DCLK3: variants seen among roughly 807,000 people sequenced by gnomAD.
The protein encoded by DCLK3 is serine/threonine-protein kinase DCLK3.
Under a neutral mutation model 46.4 loss-of-function variants are expected in DCLK3, and 30 were observed. The observed-to-expected ratio is 0.65, with a 90% CI of 0.48 to 0.88. The LOEUF (loss-of-function observed/expected upper bound fraction) is 0.88, where lower values mean the gene tolerates loss of function less well. DCLK3 is among the 40% of genes least tolerant of loss of function. The pLI is 0.00. For synonymous variants in DCLK3, 401 were observed against 339.2 expected (o/e 1.18, Z -2.00); for missense variants, 846 against 907.1 (o/e 0.93, Z 0.87).
chr3:36,737,426 GGT>G lies in DCLK3; in HGVS notation c.1739_1740del (p.His580ProfsTer8). 6.2e-7 allele frequency: 1 copy of G among 1,614,126 alleles called. No homozygotes were observed. Among genetic ancestry groups the G allele is most frequent in the Non-Finnish European group, 8.5e-7 (1 of 1,180,018 alleles). ...ACTTCATGCAATTTCACGATGTTGG[GGT>G]GAGAGAGGCTCTGGATGATCAAGAT... ...SEILIIQSLS[H>X]PNIVKLHEVY... On this transcript the variant is annotated frameshift_variant, in exon 2 of 5. Coordinates refer to ENST00000636136, the MANE Select transcript of DCLK3 (RefSeq NM_001394672.2). LOFTEE classifies it high-confidence loss of function. This position sits in a 1 kb window ranked among gnomAD's most constrained non-coding sequence, Gnocchi z 4.4.
intron 1 of DCLK3, among the ~76,000 whole-genome samples, chr3:36,744,281 C>A (rs1701375395): frequency 6.6e-6 from 1 of 152,214 alleles, no homozygotes; most frequent in South Asian, 2.1e-4. Context: ...TTGCTAATTG[C>A]AGCTCCAGCA....
At chr3:36,739,978 T>G (rs1701327103) in intron 1 of DCLK3, 1 of 151,966 alleles carries the variant, frequency 6.6e-6, no homozygotes. Context: ...GCCAAGAACA[T>G]TTTTTTTCAG....
chr3:36,738,330 C>T lies in DCLK3; in HGVS notation c.837G>A (p.Arg279=). The change falls in exon 2 of 5, where the codon AGG becomes AGA. Residue 279 remains arginine (R), a synonymous_variant. Coordinates refer to ENST00000636136, the MANE Select transcript of DCLK3 (RefSeq NM_001394672.2). ...CGTGCCTCTCTTCCAGAGTGGCTTC[C>T]CTGGGGGGCTTGCTACTGGGTTCTG... ...WEPEPSSKPP[R]EATLEERHAR... 6.6e-7 allele frequency: 1 copy of T among 1,507,810 alleles called. No individual in the cohort carries two copies. Among genetic ancestry groups the T allele is most frequent in the Non-Finnish European group, 8.8e-7 (1 of 1,131,370 alleles). 93.4% of individuals were successfully genotyped at this position (1,507,810 alleles called of 1,614,324 possible).
intron 1 of DCLK3, among the ~76,000 whole-genome samples, chr3:36,748,583 A>G (rs1399526433): frequency 6.6e-6 from 1 of 152,148 alleles, no homozygotes; most frequent in African/African-American, 2.4e-5. Flanking sequence ...GCCACAGTGC[A>G]CATGAGCACA....
chr3:36,726,731 T>C (rs1701129425), intron 2 of DCLK3, among the ~76,000 whole-genome samples: 1 of 152,148 alleles, frequency 6.6e-6, no homozygotes, highest in Non-Finnish European at 1.5e-5. Flanking sequence ...TCTCCATAAT[T>C]AACCTCACCA....
intron 1 of DCLK3, among the ~76,000 whole-genome samples, chr3:36,743,083 A>G (rs993919864): frequency 6.6e-6 from 1 of 152,184 alleles, no homozygotes; most frequent in African/African-American, 2.4e-5. Context: ...AACAAATTTC[A>G]TGTGGCTCAC....
chr3:36,746,945 C>T (rs1457055710), intron 1 of DCLK3, among the ~76,000 whole-genome samples: 2 of 152,134 alleles, frequency 1.3e-5, no homozygotes, highest in African/African-American at 4.8e-5. Flanking sequence ...GCTGTTGGGC[C>T]CTGGATGCAC....
rs946165456 is a variant in DCLK3 at position 36,764,382 on chromosome 3, C to T, written c.-119G>A. On this transcript the variant is annotated 5_prime_UTR_variant, in exon 1 of 5. Transcript: ENST00000636136. This position sits in a 1 kb window ranked among gnomAD's most constrained non-coding sequence, Gnocchi z 4.9. ...ACGAGCAGCCACGAGCCCGCGCCGA[C>T]TCTCCCTCTTCTCTCCCTCCCGCCG... is the stretch of plus-strand genomic sequence containing the variant. The T allele has an allele frequency of 4.5e-5, 8 of 177,118 alleles. No homozygotes were observed. Among genetic ancestry groups the T allele is most frequent in the Non-Finnish European group, 8.2e-5 (7 of 85,010 alleles). The allele number at this position is 177,118 out of a possible 1,614,324, so 11.0% of individuals were successfully genotyped here.
At chr3:36,721,987 C>T (rs1312607933) in intron 2 of DCLK3, among the ~76,000 whole-genome samples, 2 of 152,208 alleles carry the variant, frequency 1.3e-5, no homozygotes, top group African/African-American at 4.8e-5. Context: ...TCAAAAGCCA[C>T]TTGTGGCTTG....
At chr3:36,732,249 T>C (rs1701207926) in intron 2 of DCLK3, among the ~76,000 whole-genome samples, 1 of 152,210 alleles carries the variant, frequency 6.6e-6, no homozygotes, top group Non-Finnish European at 1.5e-5. Context: ...TCCTTTTAGG[T>C]GGATGTTTCG....
At chr3:36,733,052 C>T (rs1701219076) in intron 2 of DCLK3, among the ~76,000 whole-genome samples, 1 of 152,184 alleles carries the variant, frequency 6.6e-6, no homozygotes, top group African/African-American at 2.4e-5. Context: ...CTGCCCTGTC[C>T]TAGTCATATT....
intron 1 of DCLK3, among the ~76,000 whole-genome samples, chr3:36,741,155 A>T (rs1221218988): frequency 1.3e-5 from 2 of 152,192 alleles, no homozygotes; most frequent in African/African-American, 2.4e-5. Flanking sequence ...GCTGATGTTG[A>T]GAGAAAGAAA....
chr3:36,732,083 A>G (rs1314234343), intron 2 of DCLK3, among the ~76,000 whole-genome samples: 2 of 152,230 alleles, frequency 1.3e-5, no homozygotes, highest in Non-Finnish European at 2.9e-5. Flanking sequence ...AGGTGCTGTT[A>G]TGTTCATTTA....
At chr3:36,723,829 G>T (rs1490480696) in intron 2 of DCLK3, among the ~76,000 whole-genome samples, 2 of 152,368 alleles carry the variant, frequency 1.3e-5, no homozygotes, top group South Asian at 4.1e-4. Context: ...TGCTAGGGCA[G>T]TGCAGAAGGG....
chr3:36,721,237 T>TTCTCCATCA (rs989623361), intron 3 of DCLK3, among the ~76,000 whole-genome samples: 4 of 151,808 alleles, frequency 2.6e-5, no homozygotes, highest in African/African-American at 4.8e-5. Flanking sequence ...CCCCACCCAA[T>TTCTCCATCA]TCTCCATCAT....
chr3:36,758,669 T>C (rs1351457423), intron 1 of DCLK3, among the ~76,000 whole-genome samples: 1 of 152,238 alleles, frequency 6.6e-6, no homozygotes, highest in Admixed American at 6.5e-5. Flanking sequence ...AGAATCTCTG[T>C]TCTTTACAAA....
chr3:36,737,093 A>G lies in DCLK3; in HGVS notation c.1959+115T>C. 6 of 1,371,246 alleles carry G rather than the reference A, an allele frequency of 4.4e-6. No individual in the cohort carries two copies. The highest frequency in any genetic ancestry group is 5.8e-6 in the Non-Finnish European group (6 of 1,026,470). 84.9% of individuals were successfully genotyped at this position (1,371,246 alleles called of 1,614,324 possible). ...AATACTGGAACAAGTATGTTATAAT[A>G]ACATAAAAGTAAAATTCTAGTGTGT... On this transcript the variant is annotated intron_variant, in intron 2 of 4. Coordinates refer to ENST00000636136, the MANE Select transcript of DCLK3 (RefSeq NM_001394672.2). The surrounding 1 kb of genome is among the most constrained non-coding windows in gnomAD (Gnocchi z 4.4).
chr3:36,763,026 C>T (rs1701552950), intron 1 of DCLK3, among the ~76,000 whole-genome samples: 1 of 151,934 alleles, frequency 6.6e-6, no homozygotes, highest in South Asian at 2.1e-4. Flanking sequence ...CTGTAGATGC[C>T]TCATTGATCA....
rs951993422 is a variant in DCLK3 at position 36,764,029 on chromosome 3, T to TAC, written c.82+151_82+152dup. Among the ~76,000 whole-genome samples the TAC allele has an allele frequency of 3.3e-5, 5 of 151,900 alleles. No homozygotes were observed. The South Asian group carries it at 8.3e-4, about 25-fold the overall frequency. ...ACACACATACACACGTACACACACA[T>TAC]ACACACACACAGTCCTCCGTACACC... On this transcript the variant is annotated intron_variant, in intron 1 of 4. Transcript: ENST00000636136. This position sits in a 1 kb window ranked among gnomAD's most constrained non-coding sequence, Gnocchi z 4.9.
Sources: allele counts gnomAD v4.1 joint callset (sites outside exome capture counted in the v4.1 genomes callset), GRCh38; gene constraint gnomAD v4.1.1; non-coding constraint Gnocchi (gnomAD v3.1); transcripts MANE v1.5; gene names NCBI Gene and HGNC (gene_info 2026-07-23, HGNC 2026-07-21).